The following TMEM132B variants were observed in gnomAD, a reference collection of about 807,000 sequenced individuals.
The protein encoded by TMEM132B is transmembrane protein 132B.
Under a neutral mutation model 90.8 loss-of-function variants are expected in TMEM132B, and 18 were observed. The ratio of observed to expected loss-of-function variants is 0.20; its 90% CI spans 0.14 to 0.29. The LOEUF (loss-of-function observed/expected upper bound fraction) is 0.29, where lower values mean the gene tolerates loss of function less well. Among genes scored for constraint, TMEM132B ranks in the 10% least tolerant of loss-of-function variants. TMEM132B has a pLI of 1.00. For synonymous variants in TMEM132B, 504 were observed against 523.3 expected (o/e 0.96, Z 0.50); for missense variants, 1,096 against 1,326.8 (o/e 0.83, Z 2.70).
intron 1 of TMEM132B, among the ~76,000 whole-genome samples, chr12:125,281,362 C>G (rs1458069218): frequency 6.6e-6 from 1 of 152,090 alleles, no homozygotes; most frequent in Non-Finnish European, 1.5e-5. Flanking sequence ...TGAAATGTTT[C>G]CCCACACAAT....
intron 2 of TMEM132B, among the ~76,000 whole-genome samples, chr12:125,399,223 C>T (rs73424785): frequency 0.02 from 3,089 of 152,224 alleles, 110 homozygotes; most frequent in South Asian, 0.066. Context: ...CAGTTCCTAC[C>T]CACACTCAAG....
intron 5 of TMEM132B, among the ~76,000 whole-genome samples, chr12:125,613,773 A>G (rs1483939525): frequency 1.3e-5 from 2 of 152,076 alleles, no homozygotes; most frequent in Non-Finnish European, 1.5e-5. Flanking sequence ...TAGACTTTAT[A>G]TAATGTTATG....
In TMEM132B at chr12:125,620,114, T is replaced by G. The variant is rs560288779; in HGVS notation, c.1438-23962T>G. On this transcript the variant is annotated intron_variant, in intron 5 of 8. Coordinates refer to ENST00000682704, the MANE Select transcript of TMEM132B (RefSeq NM_001366854.1). ...ATGTGTCAGCAGAGCCTTTCAATTG[T>G]GCCTACTGTGTGCTTTCAGGAAATA... 2.6e-5 allele frequency among the ~76,000 whole-genome samples: 4 copies of G among 152,340 alleles called. No homozygotes were observed. In the East Asian group the frequency reaches 7.7e-4, roughly 29 times the overall value.
intron 3 of TMEM132B, among the ~76,000 whole-genome samples, chr12:125,506,215 A>G (rs1041158435): frequency 1.3e-5 from 2 of 152,256 alleles, no homozygotes; most frequent in African/African-American, 2.4e-5. Flanking sequence ...TGATGGGCAC[A>G]CAAACATGGA....
At chr12:125,468,781 A>T (rs7296479) in intron 3 of TMEM132B, among the ~76,000 whole-genome samples, 84,482 of 151,952 alleles carry the variant, frequency 0.56, 24,751 homozygotes, top group African/African-American at 0.75. Flanking sequence ...CAATGGTTTT[A>T]AAAAAAATTT....
chr12:125,643,221 A>G (rs979591), intron 5 of TMEM132B, among the ~76,000 whole-genome samples: 71,407 of 152,134 alleles, frequency 0.47, 17,503 homozygotes, highest in African/African-American at 0.58. Flanking sequence ...CCCTGCCAGC[A>G]GCACAGGCTT....
intron 3 of TMEM132B, among the ~76,000 whole-genome samples, chr12:125,497,361 G>A (rs1882588412): frequency 6.6e-6 from 1 of 152,196 alleles, no homozygotes; most frequent in African/African-American, 2.4e-5. Flanking sequence ...TGGGTGTGGG[G>A]TTGGCAGTTT....
At chr12:125,403,879 A>G (rs1879389045) in intron 2 of TMEM132B, among the ~76,000 whole-genome samples, 1 of 152,222 alleles carries the variant, frequency 6.6e-6, no homozygotes, top group South Asian at 2.1e-4. Context: ...TCTACCCTAG[A>G]TGCCATAATG....
At chr12:125,533,531 A>G (rs1883704737) in intron 4 of TMEM132B, among the ~76,000 whole-genome samples, 1 of 152,214 alleles carries the variant, frequency 6.6e-6, no homozygotes. Flanking sequence ...TCTTTCTCTA[A>G]ATGGCTTTAC....
intron 4 of TMEM132B, among the ~76,000 whole-genome samples, chr12:125,573,176 G>A (rs1026242874): frequency 2.0e-5 from 3 of 152,096 alleles, no homozygotes; most frequent in African/African-American, 4.8e-5. Context: ...TGCTAAAGGG[G>A]TGTTATATCT....
In TMEM132B at chr12:125,407,038, C is replaced by G. The variant is rs1879513988; in HGVS notation, c.960-8493C>G. ...CACAGAGTGCTGCCAACTGGGGGAG[C>G]TCACCCAAGCTTGGTGTCCAGAGCT... is the stretch of plus-strand genomic sequence containing the variant. On this transcript the variant is annotated intron_variant, in intron 2 of 8. Coordinates refer to ENST00000682704, the MANE Select transcript of TMEM132B (RefSeq NM_001366854.1). This position sits in a 1 kb window ranked among gnomAD's most constrained non-coding sequence, Gnocchi z 6.7. Among the ~76,000 whole-genome samples, 1 of 152,122 alleles carries G rather than the reference C, an allele frequency of 6.6e-6. No homozygotes were observed. The highest frequency in any genetic ancestry group is 2.4e-5 in the African/African-American group (1 of 41,430).
At chr12:125,421,057 A>G (rs1676315) in intron 3 of TMEM132B, among the ~76,000 whole-genome samples, 6,147 of 152,272 alleles carry the variant, frequency 0.04, 421 homozygotes, top group African/African-American at 0.14. Context: ...CATTGTCCCT[A>G]TCACTGTCAG....
At chr12:125,596,785 A>G (rs1260111513) in intron 5 of TMEM132B, among the ~76,000 whole-genome samples, 2 of 152,230 alleles carry the variant, frequency 1.3e-5, no homozygotes, top group African/African-American at 4.8e-5. Context: ...GAGATGAATA[A>G]GTATTTCACA....
At position 125,226,537 on chromosome 12, in the gene TMEM132B, G is replaced by A. The variant is rs116754292; in HGVS notation, c.67+39671G>A. Among the ~76,000 whole-genome samples the A allele has an allele frequency of 7.3e-3, 1,111 of 152,330 alleles. 13 individuals are homozygous for A. Among genetic ancestry groups the A allele is most frequent in the African/African-American group, 0.025 (1,052 of 41,572 alleles). ...ATGGTCAGCAAATGCCTAAGATTTTGTGGTTCTCATGTCTACTTCCTTCCA... is the reference window on the plus strand; with the variant it reads ...ATGGTCAGCAAATGCCTAAGATTTTATGGTTCTCATGTCTACTTCCTTCCA... On this transcript the variant is annotated intron_variant, in intron 1 of 8. Coordinates refer to ENST00000682704, the MANE Select transcript of TMEM132B (RefSeq NM_001366854.1).
At chr12:125,300,290 C>A (rs1875789002) in intron 1 of TMEM132B, among the ~76,000 whole-genome samples, 1 of 152,180 alleles carries the variant, frequency 6.6e-6, no homozygotes, top group Non-Finnish European at 1.5e-5. Flanking sequence ...CCCACTTCAG[C>A]CTCCCGAAGC....
At chr12:125,274,475 C>G (rs958029902) in intron 1 of TMEM132B, among the ~76,000 whole-genome samples, 1 of 152,196 alleles carries the variant, frequency 6.6e-6, no homozygotes, top group Non-Finnish European at 1.5e-5. Flanking sequence ...AAGTGGTTGT[C>G]CAGGTTGATC....
chr12:125,533,857 C>CG, intron 4 of TMEM132B, among the ~76,000 whole-genome samples: 1 of 152,370 alleles, frequency 6.6e-6, no homozygotes. Context: ...CAGCCAAAAT[C>CG]TTAATAGGCT....
chr12:125,320,675 C>T lies in TMEM132B; in HGVS notation c.68-28777C>T, dbSNP rs142806730. Among the ~76,000 whole-genome samples, 384 of 152,260 alleles carry T rather than the reference C, an allele frequency of 2.5e-3. 2 individuals carry two copies. Among genetic ancestry groups the T allele is most frequent in the Non-Finnish European group, 4.5e-3 (309 of 68,030 alleles). ...TGAGTCGACCTCAGTCTTTGGCCGA[C>T]TTAAATGGAAACAAATGCATTTAAA... On this transcript the variant is annotated intron_variant, in intron 1 of 8. Coordinates refer to ENST00000682704, the MANE Select transcript of TMEM132B (RefSeq NM_001366854.1).
chr12:125,621,810 T>A (rs1002495466), intron 5 of TMEM132B, among the ~76,000 whole-genome samples: 1 of 152,202 alleles, frequency 6.6e-6, no homozygotes, highest in Admixed American at 6.5e-5. Context: ...GGTGACATAC[T>A]TTCCTACCTT....
Sources: allele counts gnomAD v4.1 joint callset (sites outside exome capture counted in the v4.1 genomes callset), GRCh38; gene constraint gnomAD v4.1.1; non-coding constraint Gnocchi (gnomAD v3.1); transcripts MANE v1.5; gene names NCBI Gene and HGNC (gene_info 2026-07-23, HGNC 2026-07-21).